The following KCNH6 variants were observed in gnomAD, a reference collection of about 807,000 sequenced individuals.
The protein encoded by KCNH6 is voltage-gated inwardly rectifying potassium channel KCNH6.
A neutral mutation model predicts 83.4 loss-of-function variants in KCNH6; 81 were observed. The ratio of observed to expected loss-of-function variants is 0.97; its 90% CI spans 0.81 to 1.17. The LOEUF is 1.17. Ranked by LOEUF, KCNH6 falls within the 50% of genes most tolerant of loss-of-function variation. The pLI is 0.00. For synonymous variants in KCNH6, 503 were observed against 545.6 expected, an observed-to-expected ratio of 0.92 and a Z score of 1.09; for missense variants, 1,203 against 1,290.5, an observed-to-expected ratio of 0.93 and a Z score of 1.04.
chr17:63,525,218 C>T (rs1390106031), intron 2 of KCNH6, among the ~76,000 whole-genome samples: 1 of 152,204 alleles, frequency 6.6e-6, no homozygotes, highest in Non-Finnish European at 1.5e-5. Context: ...GTTCTGATGT[C>T]CTGCTTACTT....
In KCNH6 at chr17:63,538,674, G is replaced by A. The variant is rs750767694; in HGVS notation, c.1954+12G>A. On this transcript the variant is annotated intron_variant, in intron 8 of 12. Coordinates refer to ENST00000314672, the MANE Select transcript of KCNH6 (RefSeq NM_001278919.2). The surrounding 1 kb of genome is among the most constrained non-coding windows in gnomAD (Gnocchi z 4.0). ...CGTGGCCATCCTAGGTGGGTCCGGC[G>A]GAGTGGACCAGGCCTGTGTTGGGGA... 16 of 1,568,894 alleles carry A rather than the reference G, an allele frequency of 1.0e-5. No individual in the cohort carries two copies. The highest frequency in any genetic ancestry group is 1.7e-4 in the Middle Eastern group (1 of 5,832).
chr17:63,529,970 C>T (rs1427840814), intron 2 of KCNH6, 121 bp from the exon 3 acceptor site: 3 of 1,059,214 alleles, frequency 2.8e-6, no homozygotes, highest in Non-Finnish European at 4.1e-6. Context: ...GGTCACTGTC[C>T]AAGCCTCTTC....
Position 63,535,946 on chromosome 17 carries a change from A to G in KCNH6, c.1379A>G (p.Gln460Arg). 1 of 1,613,966 alleles carries G rather than the reference A, an allele frequency of 6.2e-7. No individual in the cohort carries two copies. The highest frequency in any genetic ancestry group is 8.5e-7 in the Non-Finnish European group (1 of 1,180,034). ...GSDPASGPSV[Q>R]DKYVTALYFT... is the part of the protein sequence containing the mutation. ...GACCCAGCCTCGGGCCCCTCGGTGC[A>G]GGACAAGTATGTCACAGCCCTCTAC... is the stretch of plus-strand genomic sequence containing the variant. Residue 460 changes from glutamine to arginine, a missense_variant, in exon 6 of 13, where the codon CAG (glutamine) becomes CGG (arginine). Coordinates refer to ENST00000314672, the MANE Select transcript of KCNH6 (RefSeq NM_001278919.2). The surrounding 1 kb of genome is among the most constrained non-coding windows in gnomAD (Gnocchi z 4.9).
In KCNH6 at chr17:63,523,816, C is replaced by A. The variant is rs941390142; in HGVS notation, c.77-323C>A. 6.6e-6 allele frequency among the ~76,000 whole-genome samples: 1 copy of A among 151,974 alleles called. No homozygotes were observed. The highest frequency in any genetic ancestry group is 1.5e-5 in the Non-Finnish European group (1 of 67,982). ...GCGTCCTCCAGAGGCTTCTCTGAGT[C>A]CTTCTTTTCCTTCCTTTTCATATCC... On this transcript the variant is annotated intron_variant, in intron 1 of 12. Coordinates refer to ENST00000314672, the MANE Select transcript of KCNH6 (RefSeq NM_001278919.2). This position sits in a 1 kb window ranked among gnomAD's most constrained non-coding sequence, Gnocchi z 4.2.
At chr17:63,531,397 C>G (rs2032101137) in intron 4 of KCNH6, among the ~76,000 whole-genome samples, 1 of 152,228 alleles carries the variant, frequency 6.6e-6, no homozygotes. Context: ...AGTTCTGGCC[C>G]CAGGAGGCAG....
chr17:63,540,404 C>CT lies in KCNH6; in HGVS notation c.1954+1742_1954+1743insT, dbSNP rs2032791071. ...CCAAGATCACGCCACTGTACTCCAG[C>CT]CTGGGTGGCAGAGCGAGACTCTGTC... On this transcript the variant is annotated intron_variant, in intron 8 of 12. Transcript: ENST00000314672. Among the ~76,000 whole-genome samples, 11 of 152,010 alleles carry CT rather than the reference C, an allele frequency of 7.2e-5. 1 individual carries two copies. Among genetic ancestry groups the CT allele is most frequent in the Admixed American group, 5.9e-4 (9 of 15,274 alleles).
intron 10 of KCNH6, chr17:63,543,867 G>C: frequency 1.6e-6 from 1 of 631,644 alleles, no homozygotes; most frequent in East Asian, 2.7e-5. Flanking sequence ...GAGGCAGAGT[G>C]AGGGCTCTGT....
chr17:63,544,396 AG>A lies in KCNH6; in HGVS notation c.2383del (p.Ala795ProfsTer3). ...LKLGSRLEQL[Q>X]AQMNRLESRV... ...CTGGGCTCCAGGCTAGAGCAGCTCC[AG>A]GCCCAGATGAACAGGTGTGTGTGCT... On this transcript the variant is annotated frameshift_variant, in exon 11 of 13. Coordinates refer to ENST00000314672, the MANE Select transcript of KCNH6 (RefSeq NM_001278919.2). LOFTEE classifies it high-confidence loss of function. 1 of 1,584,534 alleles carries A rather than the reference AG, an allele frequency of 6.3e-7. No homozygotes were observed. Among genetic ancestry groups the A allele is most frequent in the Non-Finnish European group, 8.6e-7 (1 of 1,166,782 alleles).
At chr17:63,524,460 G>C in intron 2 of KCNH6, 91 bp downstream of exon 2, 1 of 1,044,346 alleles carries the variant, frequency 9.6e-7, no homozygotes, top group Non-Finnish European at 1.4e-6. Flanking sequence ...CACTGACCCA[G>C]GGTCCAAAGG....
intron 8 of KCNH6, among the ~76,000 whole-genome samples, chr17:63,541,131 G>C (rs942108404): frequency 6.6e-6 from 1 of 152,100 alleles, no homozygotes. Flanking sequence ...CCTTGTGGGT[G>C]GCACAACATC....
chr17:63,530,765 G>C (rs1250813208), intron 4 of KCNH6, among the ~76,000 whole-genome samples: 3 of 152,232 alleles, frequency 2.0e-5, no homozygotes, highest in Non-Finnish European at 4.4e-5. Flanking sequence ...CCTAGAGCCA[G>C]AGGAGGCTGG....
At position 63,538,132 on chromosome 17, in the gene KCNH6, G is replaced by GATGCTCACA. The variant is rs1254648145; in HGVS notation, c.1569_1570insATGCTCACA (p.Ala523_Arg524insMetLeuThr). 1 of 1,614,026 alleles carries GATGCTCACA rather than the reference G, an allele frequency of 6.2e-7. No individual in the cohort carries two copies. Among genetic ancestry groups the GATGCTCACA allele is most frequent in the Non-Finnish European group, 8.5e-7 (1 of 1,180,040 alleles). On this transcript the variant is annotated inframe_insertion, in exon 7 of 13. Coordinates refer to ENST00000314672, the MANE Select transcript of KCNH6 (RefSeq NM_001278919.2). This position sits in a 1 kb window ranked among gnomAD's most constrained non-coding sequence, Gnocchi z 4.0. ...TCCAGCGCCTGTACTCGGGCACCGCGCGCTACCACACGCAGATGCTGCGTG... is the reference window on the plus strand; with the variant it reads ...TCCAGCGCCTGTACTCGGGCACCGCGATGCTCACACGCTACCACACGCAGATGCTGCGTG...
chr17:63,524,181 C>A lies in KCNH6; in HGVS notation c.119C>A (p.Ala40Asp). 1 of 1,614,208 alleles carries A rather than the reference C, an allele frequency of 6.2e-7. No homozygotes were observed. Among genetic ancestry groups the A allele is most frequent in the Non-Finnish European group, 8.5e-7 (1 of 1,180,036 alleles). ...LIANAQMENCAIIYCNDGFCE... is the reference protein window; with the variant it reads ...LIANAQMENCDIIYCNDGFCE... ...GCCAATGCTCAGATGGAGAACTGCG[C>A]CATCATTTACTGCAACGACGGCTTC... The change falls in exon 2 of 13, where the codon GCC becomes GAC. Residue 40 changes from alanine (A) to aspartate (D), a missense_variant. By Grantham distance (126) the Ala-to-Asp change is moderately radical. Transcript: ENST00000314672.
intron 2 of KCNH6, among the ~76,000 whole-genome samples, chr17:63,528,866 G>C (rs1293074684): frequency 8.0e-6 from 1 of 125,526 alleles, no homozygotes; most frequent in Non-Finnish European, 1.7e-5. Context: ...ACAGAGTCTC[G>C]CTCTGTCACC....
intron 2 of KCNH6, 126 bp from the exon 3 acceptor site, chr17:63,529,965 C>G: frequency 1.0e-6 from 1 of 985,268 alleles, no homozygotes; most frequent in Non-Finnish European, 1.5e-6. Flanking sequence ...TCTCTGGTCA[C>G]TGTCCAAGCC....
At chr17:63,543,532 C>G in intron 9 of KCNH6, 44 bp from the exon 10 acceptor site, 4 of 1,265,032 alleles carry the variant, frequency 3.2e-6, no homozygotes, top group Non-Finnish European at 4.6e-6. Context: ...GAGGCCCCAT[C>G]CCAGCTTTGG....
chr17:63,543,144 C>T (rs1420226912), intron 9 of KCNH6, among the ~76,000 whole-genome samples: 1 of 152,198 alleles, frequency 6.6e-6, no homozygotes. Context: ...GCTATTTCTT[C>T]CCTGGTGCCC....
At chr17:63,524,700 C>T (rs2147616996) in intron 2 of KCNH6, among the ~76,000 whole-genome samples, 1 of 152,286 alleles carries the variant, frequency 6.6e-6, no homozygotes, top group African/African-American at 2.4e-5. Flanking sequence ...GGAAATTAAC[C>T]TTCCCTCCTC....
At chr17:63,548,673 T>TC (rs978436530), downstream of KCNH6, 2 of 152,280 alleles carry the variant, frequency 1.3e-5, no homozygotes, top group African/African-American at 4.8e-5. Flanking sequence ...GAAAATTTCC[T>TC]CCCCCCGTTA....
Sources: gnomAD v4.1 joint callset for allele counts (sites outside exome capture counted in the v4.1 genomes callset) on GRCh38, gnomAD v4.1.1 for gene constraint, Gnocchi (gnomAD v3.1) non-coding constraint, MANE v1.5 for transcripts, NCBI Gene and HGNC (gene_info 2026-07-23, HGNC 2026-07-21) for gene names.